AGXT2: variants seen among roughly 807,000 people sequenced by gnomAD.
The protein encoded by AGXT2 is alanine--glyoxylate aminotransferase 2, mitochondrial.
AGXT2 carries 61 observed loss-of-function variants against 62.5 expected under a neutral mutation model. That is an observed-to-expected ratio of 0.98 (90% CI 0.79 to 1.21). The LOEUF is 1.21. Among genes scored for constraint, AGXT2 ranks in the 50% most tolerant of loss-of-function variants. AGXT2 has a pLI of 0.00. For synonymous variants in AGXT2, 243 were observed against 218.7 expected (o/e 1.11, Z -0.98); for missense variants, 666 against 641.5 (o/e 1.04, Z -0.41).
intron 3 of AGXT2, among the ~76,000 whole-genome samples, chr5:35,038,592 G>A (rs189172435): frequency 7.9e-5 from 12 of 152,312 alleles, no homozygotes; most frequent in African/African-American, 2.9e-4. Flanking sequence ...CTGCCTGAGG[G>A]GGGGGACTCT....
At chr5:35,016,047 T>G (rs909183235) in intron 9 of AGXT2, among the ~76,000 whole-genome samples, 1 of 152,250 alleles carries the variant, frequency 6.6e-6, no homozygotes, top group South Asian at 2.1e-4. Flanking sequence ...AATCCTGGGT[T>G]GCCTCCTTCC....
At chr5:35,033,330 G>T in intron 6 of AGXT2, 130 bp downstream of exon 6, 1 of 756,480 alleles carries the variant, frequency 1.3e-6, no homozygotes, top group Non-Finnish European at 2.3e-6. Flanking sequence ...AATTCAATTA[G>T]GTCAAATTGA....
chr5:35,006,087 G>A (rs2195352), intron 12 of AGXT2, among the ~76,000 whole-genome samples: 46,756 of 151,822 alleles, frequency 0.31, 7,669 homozygotes, highest in Non-Finnish European at 0.37. Flanking sequence ...TATATCTTGG[G>A]CATCTTTCCA....
chr5:35,027,184 A>T (rs1481230171), intron 7 of AGXT2: 4 of 175,718 alleles, frequency 2.3e-5, no homozygotes, highest in African/African-American at 9.5e-5. Flanking sequence ...TGTTTGGTAC[A>T]CTGTAGGTGG....
intron 9 of AGXT2, among the ~76,000 whole-genome samples, chr5:35,024,863 G>T (rs763994000): frequency 3.9e-5 from 6 of 152,036 alleles, no homozygotes; most frequent in Non-Finnish European, 8.8e-5. Context: ...CCAGCTACTC[G>T]GGAGGCTGAG....
At chr5:35,031,426 G>C (rs747195785) in intron 7 of AGXT2, among the ~76,000 whole-genome samples, 3 of 152,084 alleles carry the variant, frequency 2.0e-5, no homozygotes, top group Non-Finnish European at 2.9e-5. Context: ...TTTCAGAGCT[G>C]GTTTTTAAGA....
chr5:35,005,915 G>A (rs1029941386), intron 12 of AGXT2, among the ~76,000 whole-genome samples: 1 of 152,050 alleles, frequency 6.6e-6, no homozygotes, highest in African/African-American at 2.4e-5. Flanking sequence ...AAAGTAAAAC[G>A]AGAACATTTC....
rs766572860 is a variant in AGXT2, at chr5:35,014,002, C to T, written c.1081G>A (p.Val361Ile). Residue 361 changes from valine to isoleucine, a missense_variant, in exon 10 of 14, where the codon GTC becomes ATC. By Grantham distance (29) the Val-to-Ile change is conservative. Transcript: ENST00000231420. ...TGGGTCCTACCTGGAGTGGTTATGA[C>T]TGCTGCCATGGGAAAGCCATTCCCA... ...GIGNGFPMAA[V>I]ITTPEIAKSL... 14 of 1,613,942 alleles carry T rather than the reference C, an allele frequency of 8.7e-6. No individual in the cohort carries two copies. Among genetic ancestry groups the T allele is most frequent in the Non-Finnish European group, 1.2e-5 (14 of 1,179,988 alleles).
intron 12 of AGXT2, among the ~76,000 whole-genome samples, chr5:35,009,570 C>G (rs1244145615): frequency 2.0e-5 from 3 of 152,110 alleles, no homozygotes; most frequent in African/African-American, 7.2e-5. Context: ...CACTCCCAGC[C>G]TGGGTGACAG....
rs1766754509 is a variant in AGXT2, at chr5:35,014,107, A to AT, written c.975dup (p.Phe326IlefsTer19). On this transcript the variant is annotated frameshift_variant, in exon 10 of 14. Coordinates refer to ENST00000231420, the MANE Select transcript of AGXT2 (RefSeq NM_031900.4). LOFTEE classifies it high-confidence loss of function. ...CAGAAGTGAGAGCCCAACCTTCCAA[A>AT]TCCTGTCTGCACCTGGGAAAACAAG... The AT allele has an allele frequency of 6.8e-6, 11 of 1,613,860 alleles. No homozygotes were observed. Among genetic ancestry groups the AT allele is most frequent in the Non-Finnish European group, 9.3e-6 (11 of 1,179,962 alleles).
At chr5:35,018,116 C>G (rs897755765) in intron 9 of AGXT2, among the ~76,000 whole-genome samples, 8 of 152,242 alleles carry the variant, frequency 5.3e-5, no homozygotes, top group Admixed American at 3.9e-4. Context: ...CTGAAAGTGA[C>G]AGGGAGAATG....
intron 5 of AGXT2, among the ~76,000 whole-genome samples, chr5:35,034,065 A>G (rs995282241): frequency 1.3e-5 from 2 of 152,156 alleles, no homozygotes; most frequent in Non-Finnish European, 2.9e-5. Context: ...CCTAATCATC[A>G]GTGTAAGCTT....
Position 34,998,769 on chromosome 5 carries a change from C to G in AGXT2, c.1495G>C (p.Glu499Gln). ...ITKPEVDFAVEVFRSALTQHM... is the reference protein window; with the variant it reads ...ITKPEVDFAVQVFRSALTQHM... Reference sequence around the variant, plus strand: ...TGGGTTAAGGCAGAACGAAATACTTCTACTGCAAAATCAACTTCTGGTTTA... The same window carrying G: ...TGGGTTAAGGCAGAACGAAATACTTGTACTGCAAAATCAACTTCTGGTTTA... Residue 499 changes from glutamate (E) to glutamine (Q), a missense_variant, in exon 14 of 14, where the codon GAA (glutamate) becomes CAA (glutamine). Physicochemically the swap from Glu to Gln is conservative, Grantham distance 29 (BLOSUM62 2). Coordinates refer to ENST00000231420, the MANE Select transcript of AGXT2 (RefSeq NM_031900.4). The G allele has an allele frequency of 6.2e-7, 1 of 1,614,038 alleles. No individual in the cohort carries two copies. The highest frequency in any genetic ancestry group is 8.5e-7 in the Non-Finnish European group (1 of 1,180,000).
rs545869130 is a variant in AGXT2, at chr5:35,047,786, C to T, written c.88+19G>A. 16 of 1,613,700 alleles carry T rather than the reference C, an allele frequency of 9.9e-6. No homozygotes were observed. The highest frequency in any genetic ancestry group is 2.2e-5 in the East Asian group (1 of 44,834). Reference sequence around the variant, plus strand: ...TCGCTGATCCTCTACTGACCCACGTCCCCCTGGTTTCCACTTACGGCTCAG... The same window carrying T: ...TCGCTGATCCTCTACTGACCCACGTTCCCCTGGTTTCCACTTACGGCTCAG... On this transcript the variant is annotated intron_variant, in intron 1 of 13. Coordinates refer to ENST00000231420, the MANE Select transcript of AGXT2 (RefSeq NM_031900.4).
intron 12 of AGXT2, among the ~76,000 whole-genome samples, chr5:35,006,190 T>C (rs1428282): frequency 0.092 from 14,044 of 152,254 alleles, 828 homozygotes; most frequent in South Asian, 0.16. Context: ...ATTTAGGTTG[T>C]TTCCAATTTT....
intron 7 of AGXT2, chr5:35,026,766 C>A: frequency 1.1e-6 from 1 of 909,370 alleles, no homozygotes; most frequent in Non-Finnish European, 1.3e-6. Flanking sequence ...CACTTCAGTT[C>A]TTTCCATCTG....
At chr5:35,009,488 C>T (rs34623800) in intron 12 of AGXT2, among the ~76,000 whole-genome samples, 49,711 of 151,820 alleles carry the variant, frequency 0.33, 9,135 homozygotes, top group Non-Finnish European at 0.42. Context: ...CCCAGCTACC[C>T]GGGAGGCTGA....
chr5:35,030,660 G>C (rs6878012), intron 7 of AGXT2, among the ~76,000 whole-genome samples: 142,822 of 152,270 alleles, frequency 0.94, 67,444 homozygotes, highest in Non-Finnish European at 1. Flanking sequence ...TGTCAAATTG[G>C]CTTAAGTAGT....
intron 9 of AGXT2, among the ~76,000 whole-genome samples, 190 bp from the exon 10 acceptor site, chr5:35,014,309 C>T (rs546696426): frequency 3.3e-4 from 50 of 151,818 alleles, no homozygotes; most frequent in African/African-American, 7.5e-4. Context: ...AAAAATTAGC[C>T]GGGCACAGTG....
Sources: gnomAD v4.1 joint callset for allele counts (sites outside exome capture counted in the v4.1 genomes callset) on GRCh38, gnomAD v4.1.1 for gene constraint, MANE v1.5 for transcripts, NCBI Gene and HGNC (gene_info 2026-07-23, HGNC 2026-07-21) for gene names.